Variants in LRBA observed in about 807,000 individuals in gnomAD.
LRBA encodes LPS responsive beige-like anchor protein, also known as lipopolysaccharide-responsive and beige-like anchor protein.
A neutral mutation model predicts 330.0 loss-of-function variants in LRBA; 176 were observed. The observed-to-expected ratio is 0.53, with a 90% confidence interval of 0.47 to 0.60. The LOEUF (loss-of-function observed/expected upper bound fraction) is 0.60. Among genes scored for constraint, LRBA ranks in the 20% least tolerant of loss-of-function variants. The pLI is 0.00. For synonymous variants in LRBA, 1,230 were observed against 1,193.0 expected, an observed-to-expected ratio of 1.03 and a Z score of -0.64; for missense variants, 3,259 against 3,444.8, an observed-to-expected ratio of 0.95 and a Z score of 1.35.
chr4:150,413,169 C>G (rs567252617), intron 47 of LRBA, among the ~76,000 whole-genome samples: 194 of 151,860 alleles, frequency 1.3e-3, no homozygotes, highest in African/African-American at 4.6e-3. Flanking sequence ...AATGACCTAC[C>G]TACTAGAATG....
rs192314236 is a variant in LRBA at position 150,527,050 on chromosome 4, A to G, written c.6331-36015T>C. On this transcript the variant is annotated intron_variant, in intron 40 of 56. Coordinates refer to ENST00000651943, the MANE Select transcript of LRBA (RefSeq NM_001364905.1). ...TTAAAGAAACTGGGTTATTTAATCT[A>G]TAGAATTTACCATATTCTGTGCCTC... 1.6e-4 allele frequency among the ~76,000 whole-genome samples: 24 copies of G among 150,368 alleles called. No homozygotes were observed. The East Asian group carries it at 3.5e-3, about 22-fold the overall frequency.
chr4:150,576,318 C>T (rs1770542855), intron 40 of LRBA, among the ~76,000 whole-genome samples: 1 of 151,718 alleles, frequency 6.6e-6, no homozygotes, highest in Non-Finnish European at 1.5e-5. Flanking sequence ...AAAATGTATA[C>T]ATTTAAAATG....
intron 50 of LRBA, among the ~76,000 whole-genome samples, chr4:150,316,418 G>A (rs1353360482): frequency 6.6e-6 from 1 of 152,130 alleles, no homozygotes; most frequent in Non-Finnish European, 1.5e-5. Flanking sequence ...AGGACTTTCG[G>A]TAGAGAGGAA....
intron 49 of LRBA, among the ~76,000 whole-genome samples, chr4:150,323,138 C>A (rs570596001): frequency 6.6e-6 from 1 of 151,502 alleles, no homozygotes; most frequent in African/African-American, 2.4e-5. Context: ...ACACAAAGAA[C>A]GTTTTATATA....
intron 36 of LRBA, among the ~76,000 whole-genome samples, chr4:150,691,025 G>T (rs549854459): frequency 6.7e-6 from 1 of 148,268 alleles, no homozygotes; most frequent in South Asian, 2.1e-4. Context: ...CGCCTCCCAG[G>T]TTCACGCCAT....
At chr4:150,801,296 A>T (rs868503477) in intron 33 of LRBA, among the ~76,000 whole-genome samples, 3 of 152,168 alleles carry the variant, frequency 2.0e-5, no homozygotes, top group Non-Finnish European at 4.4e-5. Flanking sequence ...CTGAAACACA[A>T]CCATCTTGAA....
chr4:150,906,450 T>G, intron 11 of LRBA, 45 bp from the exon 12 acceptor site: 1 of 1,084,198 alleles, frequency 9.2e-7, no homozygotes, highest in Non-Finnish European at 1.4e-6. Flanking sequence ...CATATTCTAT[T>G]TTTTTTAAAT....
chr4:150,606,450 CCAG>C lies in LRBA; in HGVS notation c.5922-7322_5922-7320del, dbSNP rs1037837102. The stretch of plus-strand genomic sequence containing the variant: ...ACACTTGTTGAGTGCCAACTATGTA[CCAG>C]ATTGTGGTACATACAAATGAATGAT... On this transcript the variant is annotated intron_variant, in intron 37 of 56. Transcript: ENST00000651943. 1.1e-3 allele frequency among the ~76,000 whole-genome samples: 167 copies of C among 152,094 alleles called. 1 individual carries two copies. Among genetic ancestry groups the C allele is most frequent in the African/African-American group, 4.0e-3 (164 of 41,498 alleles).
At chr4:150,669,752 T>C (rs1186765485) in intron 37 of LRBA, among the ~76,000 whole-genome samples, 3 of 151,900 alleles carry the variant, frequency 2.0e-5, no homozygotes, top group Non-Finnish European at 4.4e-5. Flanking sequence ...TTTTAGTAGA[T>C]ACAGGGTTTC....
At chr4:150,547,321 G>A (rs758967809) in intron 40 of LRBA, among the ~76,000 whole-genome samples, 3 of 151,932 alleles carry the variant, frequency 2.0e-5, no homozygotes, top group Non-Finnish European at 4.4e-5. Flanking sequence ...AGAAAAATGC[G>A]ACAAAACACA....
chr4:150,428,358 T>A (rs1749918002), intron 46 of LRBA, among the ~76,000 whole-genome samples: 1 of 152,066 alleles, frequency 6.6e-6, no homozygotes, highest in Non-Finnish European at 1.5e-5. Flanking sequence ...CGCAAAGCTA[T>A]CACAGTAATA....
intron 37 of LRBA, among the ~76,000 whole-genome samples, chr4:150,661,206 C>A (rs1333147585): frequency 6.6e-6 from 1 of 151,170 alleles, no homozygotes; most frequent in Admixed American, 6.6e-5. Context: ...CATGGTGGCT[C>A]ACACCTGTAA....
intron 37 of LRBA, among the ~76,000 whole-genome samples, chr4:150,604,030 A>T (rs536462415): frequency 2.8e-4 from 42 of 152,312 alleles, no homozygotes; most frequent in African/African-American, 9.9e-4. Flanking sequence ...CAAAATCAAC[A>T]ACTAAGGTAC....
intron 37 of LRBA, among the ~76,000 whole-genome samples, chr4:150,655,054 T>C (rs1318327432): frequency 2.0e-5 from 3 of 152,200 alleles, no homozygotes; most frequent in Non-Finnish European, 4.4e-5. Context: ...TTTGGGTATA[T>C]ACCCAATACT....
intron 48 of LRBA, among the ~76,000 whole-genome samples, chr4:150,345,841 T>G (rs1222601477): frequency 6.6e-6 from 1 of 152,186 alleles, no homozygotes; most frequent in East Asian, 1.9e-4. Flanking sequence ...GGTCTCACTC[T>G]GTTGCTCAGG....
intron 47 of LRBA, among the ~76,000 whole-genome samples, chr4:150,377,855 T>C (rs2055687): frequency 5.9e-5 from 9 of 151,434 alleles, no homozygotes; most frequent in African/African-American, 2.2e-4. Context: ...GGCATGGTGG[T>C]AGGCACCTGT....
At chr4:150,275,750 A>G (rs1746672062) in intron 56 of LRBA, among the ~76,000 whole-genome samples, 1 of 152,246 alleles carries the variant, frequency 6.6e-6, no homozygotes, top group Non-Finnish European at 1.5e-5. Flanking sequence ...AAGGAGAACT[A>G]CAAACCACTG....
At chr4:150,711,367 C>G (rs1003408826) in intron 36 of LRBA, among the ~76,000 whole-genome samples, 12 of 151,930 alleles carry the variant, frequency 7.9e-5, no homozygotes, top group Non-Finnish European at 1.8e-4. Flanking sequence ...TCTTGAGTAG[C>G]TGGAACTACA....
rs1227434430 is a variant in LRBA at position 150,661,487 on chromosome 4, AGAAG to A, written c.5921+22060_5921+22063del. ...TCTGTCTCAAAAAAAAAAAAAAAAA[AGAAG>A]AAAGAAAGAAAGAACTTTTACAAAT... On this transcript the variant is annotated intron_variant, in intron 37 of 56. Coordinates refer to ENST00000651943, the MANE Select transcript of LRBA (RefSeq NM_001364905.1). Among the ~76,000 whole-genome samples, 244 of 150,918 alleles carry A rather than the reference AGAAG, an allele frequency of 1.6e-3. 1 individual carries two copies. The highest frequency in any genetic ancestry group is 2.6e-3 in the Non-Finnish European group (173 of 67,594).
Sources: gnomAD v4.1 joint callset for allele counts (sites outside exome capture counted in the v4.1 genomes callset) on GRCh38, gnomAD v4.1.1 for gene constraint, MANE v1.5 for transcripts, NCBI Gene and HGNC (gene_info 2026-07-23, HGNC 2026-07-21) for gene names.